The following DLGAP1 variants were observed in gnomAD, a reference collection of about 807,000 sequenced individuals.
The protein encoded by DLGAP1 is disks large-associated protein 1.
Under a neutral mutation model 90.8 loss-of-function variants are expected in DLGAP1, and 11 were observed. The ratio of observed to expected loss-of-function variants is 0.12; its 90% CI spans 0.08 to 0.20. The LOEUF (loss-of-function observed/expected upper bound fraction) is 0.20, where lower values mean the gene tolerates loss of function less well. Ranked by LOEUF, DLGAP1 falls within the 10% of genes least tolerant of loss-of-function variation. The pLI is 1.00. For synonymous variants in DLGAP1, 558 were observed against 540.7 expected (o/e 1.03, Z -0.44); for missense variants, 1,050 against 1,333.8 (o/e 0.79, Z 3.31).
chr18:3,756,058 T>A (rs1008123373), intron 5 of DLGAP1, among the ~76,000 whole-genome samples: 19 of 152,164 alleles, frequency 1.2e-4, no homozygotes, highest in South Asian at 6.2e-4. Context: ...AAACATTATT[T>A]TTTTTTTTTG....
At chr18:4,260,433 T>C (rs2078980617) in intron 1 of DLGAP1, among the ~76,000 whole-genome samples, 1 of 152,188 alleles carries the variant, frequency 6.6e-6, no homozygotes, top group Admixed American at 6.5e-5. Context: ...TTCTTTAATA[T>C]AAGCATTTAC....
At chr18:3,534,935 G>C (rs2052254490) in intron 9 of DLGAP1, among the ~76,000 whole-genome samples, 1 of 152,018 alleles carries the variant, frequency 6.6e-6, no homozygotes, top group Non-Finnish European at 1.5e-5. Context: ...CAAGTGATCT[G>C]CCTGCCTCTG....
At chr18:4,246,688 T>G (rs999554089) in intron 1 of DLGAP1, among the ~76,000 whole-genome samples, 2 of 152,264 alleles carry the variant, frequency 1.3e-5, no homozygotes, top group Non-Finnish European at 2.9e-5. Context: ...TCGAGGGTAA[T>G]TGCTTAGAAC....
intron 5 of DLGAP1, among the ~76,000 whole-genome samples, chr18:3,793,921 T>C (rs4797124): frequency 0.14 from 20,869 of 152,170 alleles, 1,905 homozygotes; most frequent in East Asian, 0.39. Flanking sequence ...ATGTCACTTA[T>C]CTGTCTTGCT....
At chr18:3,630,092 T>C (rs1218980645) in intron 7 of DLGAP1, among the ~76,000 whole-genome samples, 2 of 152,194 alleles carry the variant, frequency 1.3e-5, no homozygotes, top group African/African-American at 4.8e-5. Flanking sequence ...TGGCCAAATA[T>C]TATTCTGTGT....
intron 5 of DLGAP1, among the ~76,000 whole-genome samples, chr18:3,766,065 A>G (rs1273704188): frequency 6.6e-6 from 1 of 152,200 alleles, no homozygotes; most frequent in African/African-American, 2.4e-5. Context: ...TTTCAGAGTG[A>G]TTAAAAAACA....
intron 1 of DLGAP1, among the ~76,000 whole-genome samples, chr18:4,273,389 C>T (rs2079329697): frequency 1.3e-5 from 2 of 152,112 alleles, no homozygotes; most frequent in Non-Finnish European, 2.9e-5. Flanking sequence ...CATACTTTAC[C>T]CAGCACCACC....
At chr18:4,297,084 C>T (rs980929912) in intron 1 of DLGAP1, among the ~76,000 whole-genome samples, 16 of 152,140 alleles carry the variant, frequency 1.1e-4, no homozygotes, top group African/African-American at 3.4e-4. Context: ...AATTTTTGAA[C>T]ACCCTTTTTA....
intron 1 of DLGAP1, among the ~76,000 whole-genome samples, chr18:4,406,067 G>A (rs1038827138): frequency 3.9e-5 from 6 of 152,110 alleles, no homozygotes; most frequent in Non-Finnish European, 7.4e-5. Context: ...AAGTGAAGGC[G>A]TGGCCTGCAA....
At chr18:4,113,751 A>T (rs1448343329) in intron 2 of DLGAP1, among the ~76,000 whole-genome samples, 1 of 152,044 alleles carries the variant, frequency 6.6e-6, no homozygotes, top group African/African-American at 2.4e-5. Flanking sequence ...GAAATCTTAT[A>T]TTTAAATCTA....
At chr18:4,069,471 G>C (rs2075416028) in intron 2 of DLGAP1, among the ~76,000 whole-genome samples, 1 of 152,158 alleles carries the variant, frequency 6.6e-6, no homozygotes, top group Non-Finnish European at 1.5e-5. Context: ...GAGGTGATTA[G>C]ATCATGGAGG....
chr18:3,606,111 C>A lies in DLGAP1; in HGVS notation c.1592-23863G>T, dbSNP rs188497247. ...GTGAAAGATTAAAGAATTTTGGCAT[C>A]CTGACCCTTTGTAGAGGCCATTCCT... On this transcript the variant is annotated intron_variant, in intron 7 of 12. Coordinates refer to ENST00000315677, the MANE Select transcript of DLGAP1 (RefSeq NM_004746.4). Among the ~76,000 whole-genome samples the A allele has an allele frequency of 2.2e-4, 33 of 152,280 alleles. No individual in the cohort carries two copies. In the East Asian group the frequency reaches 3.5e-3, roughly 16 times the overall value.
intron 7 of DLGAP1, among the ~76,000 whole-genome samples, chr18:3,670,163 G>A (rs975839069): frequency 2.0e-5 from 3 of 152,194 alleles, no homozygotes; most frequent in Non-Finnish European, 4.4e-5. Flanking sequence ...AAGTGAGATC[G>A]TTTTAACTAC....
intron 1 of DLGAP1, among the ~76,000 whole-genome samples, chr18:4,227,104 G>C (rs2078207919): frequency 6.6e-6 from 1 of 151,772 alleles, no homozygotes; most frequent in African/African-American, 2.4e-5. Context: ...ATAAAAAAGA[G>C]AAAAATAAGG....
At chr18:3,924,614 A>C (rs2072340708) in intron 3 of DLGAP1, among the ~76,000 whole-genome samples, 1 of 152,176 alleles carries the variant, frequency 6.6e-6, no homozygotes, top group Non-Finnish European at 1.5e-5. Context: ...CCGTATCCCC[A>C]TAAGGTGCTA....
At chr18:3,542,989 A>G (rs2052777996) in intron 9 of DLGAP1, among the ~76,000 whole-genome samples, 1 of 152,212 alleles carries the variant, frequency 6.6e-6, no homozygotes, top group Non-Finnish European at 1.5e-5. Context: ...GTCTCTATCT[A>G]TATGTAACAC....
chr18:3,639,810 A>G lies in DLGAP1; in HGVS notation c.1592-57562T>C, dbSNP rs553064389. On this transcript the variant is annotated intron_variant, in intron 7 of 12. Transcript: ENST00000315677. The stretch of plus-strand genomic sequence containing the variant: ...TGCTCTGTCGCCCAGGCTGGAGTGC[A>G]GTGGCGCGATCTCGGCTCACTGCAA... Among the ~76,000 whole-genome samples, 80 of 127,784 alleles carry G rather than the reference A, an allele frequency of 6.3e-4. 2 individuals are homozygous for G. Among genetic ancestry groups the G allele is most frequent in the Non-Finnish European group, 6.0e-4 (38 of 63,714 alleles). The allele number at this position is 127,784 out of a possible 152,430, so 83.8% of individuals were successfully genotyped here.
chr18:3,839,283 A>G (rs2068573939), intron 4 of DLGAP1, among the ~76,000 whole-genome samples: 2 of 152,204 alleles, frequency 1.3e-5, no homozygotes, highest in Admixed American at 1.3e-4. Flanking sequence ...AACCACAAGA[A>G]TCAATAAAAT....
At chr18:4,041,086 G>A (rs1472083499) in intron 2 of DLGAP1, among the ~76,000 whole-genome samples, 1 of 152,172 alleles carries the variant, frequency 6.6e-6, no homozygotes, top group African/African-American at 2.4e-5. Flanking sequence ...AGCAAACGCA[G>A]CACCCGAAGT....
Sources: gnomAD v4.1 joint callset for allele counts (sites outside exome capture counted in the v4.1 genomes callset) on GRCh38, gnomAD v4.1.1 for gene constraint, MANE v1.5 for transcripts, NCBI Gene and HGNC (gene_info 2026-07-23, HGNC 2026-07-21) for gene names.